SLCO2B1: variants seen among roughly 807,000 people sequenced by gnomAD.
SLCO2B1 encodes OATP-RP2.
In SLCO2B1, 41 loss-of-function variants were observed where a neutral mutation model predicts 67.3. The ratio of observed to expected loss-of-function variants is 0.61; its 90% CI spans 0.47 to 0.79. SLCO2B1 has a LOEUF of 0.79. Among genes scored for constraint, SLCO2B1 ranks in the 30% least tolerant of loss-of-function variants. The pLI, the probability that SLCO2B1 is intolerant of heterozygous loss-of-function variation, is 0.00. For missense variants in SLCO2B1, 837 were observed against 920.1 expected (o/e 0.91, Z 1.17); for synonymous variants, 379 against 381.4 (o/e 0.99, Z 0.07).
intron 7 of SLCO2B1, among the ~76,000 whole-genome samples, chr11:75,182,473 T>A (rs1372335086): frequency 6.6e-6 from 1 of 152,226 alleles, no homozygotes; most frequent in Non-Finnish European, 1.5e-5. Flanking sequence ...CTGGGCGCAG[T>A]GGCTCACGCC....
In SLCO2B1 at chr11:75,172,402, G is replaced by C. The variant is rs767540264; in HGVS notation, c.805G>C (p.Asp269His). The C allele has an allele frequency of 6.2e-7, 1 of 1,613,890 alleles. No homozygotes were observed. The highest frequency in any genetic ancestry group is 1.3e-5 in the African/African-American group (1 of 75,050). Residue 269 changes from aspartate to histidine, a missense_variant, in exon 7 of 14, where the codon GAC becomes CAC. Transcript: ENST00000289575. ...AGGTGGTATCAGCCTGACCATAAAG[G>C]ACCCCCGATGGGTGGGTGCCTGGTG... Reference protein sequence around the residue: ...PEGGISLTIKDPRWVGAWWLG... With the variant: ...PEGGISLTIKHPRWVGAWWLG...
chr11:75,163,226 T>C (rs1949845005), intron 2 of SLCO2B1, among the ~76,000 whole-genome samples: 1 of 152,214 alleles, frequency 6.6e-6, no homozygotes, highest in African/African-American at 2.4e-5. Context: ...ACAATATCCC[T>C]GGGAACTCGG....
At chr11:75,154,021 G>C (rs1949719505) in intron 1 of SLCO2B1, among the ~76,000 whole-genome samples, 1 of 151,186 alleles carries the variant, frequency 6.6e-6, no homozygotes. Flanking sequence ...TACCTCCCGG[G>C]TTCAAACGAT....
intron 8 of SLCO2B1, among the ~76,000 whole-genome samples, chr11:75,191,016 G>C (rs1490274738): frequency 6.6e-6 from 1 of 152,210 alleles, no homozygotes; most frequent in African/African-American, 2.4e-5. Context: ...GCCATGCTGT[G>C]GATGCTGAGG....
At chr11:75,182,285 G>A (rs10793115) in intron 7 of SLCO2B1, among the ~76,000 whole-genome samples, 6 of 152,310 alleles carry the variant, frequency 3.9e-5, no homozygotes, top group South Asian at 4.1e-4. Flanking sequence ...CTGACACAGG[G>A]AGACTAGAGA....
chr11:75,171,827 C>T (rs968283955), intron 6 of SLCO2B1, among the ~76,000 whole-genome samples: 2 of 152,160 alleles, frequency 1.3e-5, no homozygotes, highest in African/African-American at 2.4e-5. Flanking sequence ...TTTTGACAAA[C>T]ATCCCTGGGG....
chr11:75,166,349 G>T (rs1204085777), intron 4 of SLCO2B1, among the ~76,000 whole-genome samples: 3 of 152,152 alleles, frequency 2.0e-5, no homozygotes, highest in Admixed American at 2.0e-4. Context: ...GTGTAGTCAC[G>T]CATTTAATCC....
At chr11:75,161,537 C>A (rs1348769058) in intron 1 of SLCO2B1, among the ~76,000 whole-genome samples, 1 of 152,116 alleles carries the variant, frequency 6.6e-6, no homozygotes, top group Non-Finnish European at 1.5e-5. Flanking sequence ...CCTCCGTAGC[C>A]CCCTCCCTGA....
At chr11:75,204,234 G>C in intron 13 of SLCO2B1, 166 bp from the exon 14 acceptor site, 2 of 644,640 alleles carry the variant, frequency 3.1e-6, no homozygotes, top group Non-Finnish European at 5.1e-6. Context: ...CTCCCACCCA[G>C]GGCTCCTCTG....
At chr11:75,165,765 G>A (rs1364224916) in intron 3 of SLCO2B1, 22 bp from the exon 4 acceptor site, 9 of 1,613,200 alleles carry the variant, frequency 5.6e-6, no homozygotes, top group South Asian at 5.5e-5. Flanking sequence ...CCACCTTAAT[G>A]GGTCACCTCG....
At chr11:75,188,282 G>A in intron 8 of SLCO2B1, 44 bp downstream of exon 8, 1 of 1,310,052 alleles carries the variant, frequency 7.6e-7, no homozygotes, top group Non-Finnish European at 1.1e-6. Flanking sequence ...GGGCCAGAGG[G>A]GTCTTCGAGA....
At position 75,193,549 on chromosome 11, in the gene SLCO2B1, G is replaced by A. The variant is rs1049520578; in HGVS notation, c.1407G>A (p.Gln469=). 4 of 1,565,414 alleles carry A rather than the reference G, an allele frequency of 2.6e-6. No homozygotes were observed. The highest frequency in any genetic ancestry group is 3.5e-6 in the Non-Finnish European group (4 of 1,154,776). ...PLFFIGCSSH[Q]IAGITHQTSA... ...TCTTTATCGGCTGCTCCAGCCACCAGATTGCGGGCATCACACACCAGACCA... is the reference window on the plus strand; with the variant it reads ...TCTTTATCGGCTGCTCCAGCCACCAAATTGCGGGCATCACACACCAGACCA... Residue 469 remains glutamine (Q), a synonymous_variant, in exon 9 of 14, where the codon CAG becomes CAA. Coordinates refer to ENST00000289575, the MANE Select transcript of SLCO2B1 (RefSeq NM_007256.5). The surrounding 1 kb of genome is among the most constrained non-coding windows in gnomAD (Gnocchi z 4.2).
At chr11:75,184,225 A>G (rs562362517) in intron 7 of SLCO2B1, among the ~76,000 whole-genome samples, 1 of 152,280 alleles carries the variant, frequency 6.6e-6, no homozygotes, top group South Asian at 2.1e-4. Flanking sequence ...TATTTACTAG[A>G]TAACCACTAT....
intron 2 of SLCO2B1, 120 bp downstream of exon 2, chr11:75,162,905 G>A (rs1949839727): frequency 1.6e-6 from 2 of 1,223,888 alleles, no homozygotes; most frequent in Middle Eastern, 2.5e-4. Flanking sequence ...TATAGAATGT[G>A]TGGCTGTGAG....
At chr11:75,152,826 C>G (rs973871424) in intron 1 of SLCO2B1, among the ~76,000 whole-genome samples, 22 of 152,150 alleles carry the variant, frequency 1.4e-4, no homozygotes, top group African/African-American at 4.8e-4. Context: ...TCCCGAGACC[C>G]ATTCTGGGCT....
At chr11:75,200,601 T>A in intron 11 of SLCO2B1, 1 of 495,446 alleles carries the variant, frequency 2.0e-6, no homozygotes, top group South Asian at 3.5e-5. Context: ...TCAGAGAAGT[T>A]CAGGAGCTGG....
intron 9 of SLCO2B1, among the ~76,000 whole-genome samples, chr11:75,195,866 C>T (rs532328218): frequency 1.3e-5 from 2 of 152,314 alleles, no homozygotes; most frequent in East Asian, 1.9e-4. Context: ...GGGTGACCTC[C>T]CCCTCAGACT....
At chr11:75,177,497 G>A (rs1157606000) in intron 7 of SLCO2B1, among the ~76,000 whole-genome samples, 1 of 152,204 alleles carries the variant, frequency 6.6e-6, no homozygotes, top group Non-Finnish European at 1.5e-5. Flanking sequence ...CTTCAGTAGG[G>A]ATGGCACCAT....
chr11:75,162,561 A>G, intron 1 of SLCO2B1, 94 bp from the exon 2 acceptor site: 1 of 1,330,090 alleles, frequency 7.5e-7, no homozygotes, highest in East Asian at 2.4e-5. Context: ...TCTTCCTGAA[A>G]GACCTTGGTT....
Sources: allele counts gnomAD v4.1 joint callset (sites outside exome capture counted in the v4.1 genomes callset), GRCh38; gene constraint gnomAD v4.1.1; non-coding constraint Gnocchi (gnomAD v3.1); transcripts MANE v1.5; gene names NCBI Gene and HGNC (gene_info 2026-07-23, HGNC 2026-07-21).